Variants in UTS2B observed in about 807,000 individuals in gnomAD.
UTS2B encodes the protein urotensin-2B.
A neutral mutation model predicts 19.2 loss-of-function variants in UTS2B; 21 were observed. The observed-to-expected ratio is 1.09, with a 90% CI of 0.78 to 1.58. The LOEUF is 1.58. UTS2B is among the 40% of genes most tolerant of loss of function. The pLI, the probability that UTS2B is intolerant of heterozygous loss-of-function variation, is 0.00. For missense variants in UTS2B, 138 were observed against 130.3 expected, an observed-to-expected ratio of 1.06 and a Z score of -0.29; for synonymous variants, 57 against 50.2, an observed-to-expected ratio of 1.14 and a Z score of -0.58.
intron 5 of UTS2B, among the ~76,000 whole-genome samples, chr3:191,278,776 T>A (rs375424184): frequency 2.8e-4 from 43 of 152,126 alleles, no homozygotes; most frequent in African/African-American, 9.1e-4. Flanking sequence ...ATCTTCATTC[T>A]GGAGTAGAAA....
At position 191,329,946 on chromosome 3, in the gene UTS2B, G is replaced by T. The variant is rs796791217; in HGVS notation, c.-665+468C>A. ...GTTTTTTCTCAAGGGGGTGGTTGGG[G>T]GGGGGGGGGGCTAGCAGCAGCCCCA... On this transcript the variant is annotated intron_variant, in intron 1 of 8. Transcript: ENST00000340524. 8.4e-3 allele frequency among the ~76,000 whole-genome samples: 838 copies of T among 100,126 alleles called. 14 individuals carry two copies. Among genetic ancestry groups the T allele is most frequent in the Non-Finnish European group, 0.011 (628 of 55,234 alleles). 65.7% of individuals were successfully genotyped at this position (100,126 alleles called of 152,430 possible).
At chr3:191,307,017 G>C (rs76074620) in intron 3 of UTS2B, among the ~76,000 whole-genome samples, 13 of 152,134 alleles carry the variant, frequency 8.5e-5, no homozygotes, top group African/African-American at 3.1e-4. Context: ...CTCTGGCAGC[G>C]CATGAAAGGT....
chr3:191,315,826 T>C (rs1270486832), intron 3 of UTS2B, among the ~76,000 whole-genome samples: 2 of 152,244 alleles, frequency 1.3e-5, no homozygotes, highest in Admixed American at 1.3e-4. Flanking sequence ...GTATTTCCTA[T>C]GAAAAATTAA....
intron 3 of UTS2B, among the ~76,000 whole-genome samples, chr3:191,311,750 G>A (rs147824738): frequency 1.3e-5 from 2 of 152,314 alleles, no homozygotes; most frequent in East Asian, 3.9e-4. Context: ...TCCTTTAGGC[G>A]TTAGGTGATA....
At chr3:191,344,868 C>T in the UTS2B span, among the ~76,000 whole-genome samples, 147 of 152,344 alleles carry the variant, frequency 9.6e-4, no homozygotes, top group African/African-American at 3.5e-3. Context: ...CGTGAGCCAC[C>T]ATGCCCAGCC....
intron 3 of UTS2B, among the ~76,000 whole-genome samples, chr3:191,305,386 T>C (rs1418027371): frequency 6.6e-6 from 1 of 152,190 alleles, no homozygotes; most frequent in Non-Finnish European, 1.5e-5. Flanking sequence ...GGTATCTCAT[T>C]GTAGTTTTGA....
chr3:191,324,386 G>A (rs1257125033), intron 2 of UTS2B, among the ~76,000 whole-genome samples: 3 of 152,290 alleles, frequency 2.0e-5, no homozygotes, highest in East Asian at 1.9e-4. Context: ...ATATGGCTTG[G>A]CGATGTTCCC....
chr3:191,330,326 C>CACAGAG (rs550009593), intron 1 of UTS2B, 88 bp downstream of exon 1: 1 of 147,660 alleles, frequency 6.8e-6, no homozygotes, highest in East Asian at 2.0e-4. Context: ...CACACACACA[C>CACAGAG]ACAATAGTGA....
chr3:191,343,160 TG>T, the UTS2B span, among the ~76,000 whole-genome samples: 4 of 152,218 alleles, frequency 2.6e-5, no homozygotes, highest in Non-Finnish European at 5.9e-5. Context: ...GCACCTATTT[TG>T]GTATCTGTGG....
intron 4 of UTS2B, among the ~76,000 whole-genome samples, chr3:191,287,605 T>A (rs1358483868): frequency 6.6e-6 from 1 of 152,024 alleles, no homozygotes. Flanking sequence ...TGAATGTACC[T>A]CGGCACAATA....
At chr3:191,283,056 G>A (rs903144052) in intron 4 of UTS2B, among the ~76,000 whole-genome samples, 10 of 152,120 alleles carry the variant, frequency 6.6e-5, no homozygotes, top group African/African-American at 2.4e-4. Flanking sequence ...GACTTTGGAT[G>A]TATCCACTCT....
intron 4 of UTS2B, among the ~76,000 whole-genome samples, chr3:191,298,668 G>T (rs1192661822): frequency 1.3e-5 from 2 of 152,296 alleles, no homozygotes; most frequent in African/African-American, 4.8e-5. Context: ...CCAAGGAGTG[G>T]AGCACTGTTA....
chr3:191,321,043 T>A (rs1717598699), intron 2 of UTS2B, among the ~76,000 whole-genome samples: 1 of 152,206 alleles, frequency 6.6e-6, no homozygotes, highest in South Asian at 2.1e-4. Flanking sequence ...GCGACATTAT[T>A]CCTCAATAAA....
At chr3:191,271,200 CAAAAAAAAAA>C (rs66756396) in intron 8 of UTS2B, among the ~76,000 whole-genome samples, 2 of 52,742 alleles carry the variant, frequency 3.8e-5, no homozygotes, top group Admixed American at 2.4e-4. Flanking sequence ...GAGACTCTCT[CAAAAAAAAAA>C]AAAAAAAAAA....
chr3:191,310,270 A>ATTTTTT lies in UTS2B; in HGVS notation c.-181-5728_-181-5723dup, dbSNP rs35657398. On this transcript the variant is annotated intron_variant, in intron 3 of 8. Coordinates refer to ENST00000340524, the MANE Select transcript of UTS2B (RefSeq NM_198152.5). ...CGTAAGCCACCGCACCCAGCCAGGTATTTTTTTTTTTTTATAGCAATGTGA... is the reference window on the plus strand; with the variant it reads ...CGTAAGCCACCGCACCCAGCCAGGTATTTTTTTTTTTTTTTTTTTATAGCAATGTGA... 3.4e-4 allele frequency among the ~76,000 whole-genome samples: 50 copies of ATTTTTT among 147,166 alleles called. 1 individual carries two copies. The highest frequency in any genetic ancestry group is 1.5e-4 in the Non-Finnish European group (10 of 66,536).
At chr3:191,342,660 A>T in the UTS2B span, among the ~76,000 whole-genome samples, 1 of 152,226 alleles carries the variant, frequency 6.6e-6, no homozygotes, top group Non-Finnish European at 1.5e-5. Flanking sequence ...GGCTAAGGCA[A>T]ACAGAGTACT....
chr3:191,285,014 GAAGT>G (rs1716495882), intron 4 of UTS2B, among the ~76,000 whole-genome samples: 1 of 152,164 alleles, frequency 6.6e-6, no homozygotes, highest in Non-Finnish European at 1.5e-5. Flanking sequence ...CTCACTGGTA[GAAGT>G]AAGTACACAG....
upstream of UTS2B, among the ~76,000 whole-genome samples, chr3:191,331,627 A>G (rs941761771): frequency 2.0e-5 from 3 of 152,170 alleles, no homozygotes; most frequent in Non-Finnish European, 2.9e-5. Context: ...GTCTTTGTAA[A>G]CATCTGACTT....
intron 1 of UTS2B, chr3:191,329,856 C>T: frequency 1.3e-6 from 1 of 788,902 alleles, no homozygotes; most frequent in South Asian, 1.7e-5. Context: ...CTTGCCCGGA[C>T]GTGAAAGGAA....
Sources: allele counts gnomAD v4.1 joint callset (sites outside exome capture counted in the v4.1 genomes callset), GRCh38; gene constraint gnomAD v4.1.1; transcripts MANE v1.5; gene names NCBI Gene and HGNC (gene_info 2026-07-23, HGNC 2026-07-21).